Variants in FBXL13 observed in about 807,000 individuals in gnomAD.
The protein encoded by FBXL13 is F-box and leucine-rich repeat protein 13.
In FBXL13, 67 loss-of-function variants were observed where a neutral mutation model predicts 83.6. The observed-to-expected ratio is 0.80, with a 90% CI of 0.66 to 0.98. The LOEUF is 0.98. FBXL13 is among the 50% of genes least tolerant of loss of function. The pLI is 0.00. For synonymous variants in FBXL13, 272 were observed against 299.5 expected (o/e 0.91, Z 0.95); for missense variants, 822 against 866.5 (o/e 0.95, Z 0.64).
intron 14 of FBXL13, among the ~76,000 whole-genome samples, chr7:102,879,710 T>A (rs1809763155): frequency 6.6e-6 from 1 of 152,062 alleles, no homozygotes; most frequent in Non-Finnish European, 1.5e-5. Flanking sequence ...TTTGTATGTT[T>A]GTTTGTTTGT....
intron 7 of FBXL13, among the ~76,000 whole-genome samples, chr7:102,967,673 A>T (rs1434460676): frequency 6.6e-6 from 1 of 152,230 alleles, no homozygotes; most frequent in Non-Finnish European, 1.5e-5. Flanking sequence ...ATGGTCATGG[A>T]CTTAACATAT....
At chr7:102,951,101 G>C (rs762557700) in intron 8 of FBXL13, among the ~76,000 whole-genome samples, 3 of 152,054 alleles carry the variant, frequency 2.0e-5, no homozygotes, top group Non-Finnish European at 4.4e-5. Flanking sequence ...ATGTATGTGT[G>C]GGGGAAGGAG....
intron 8 of FBXL13, among the ~76,000 whole-genome samples, chr7:102,962,474 C>T (rs1269026764): frequency 1.3e-5 from 2 of 152,118 alleles, no homozygotes; most frequent in African/African-American, 2.4e-5. Context: ...CCAGCCATCC[C>T]ATTACTGAGT....
Position 102,887,975 on chromosome 7 carries a change from G to C in FBXL13, c.1009-3663C>G, listed in dbSNP as rs138461557. Among the ~76,000 whole-genome samples, 579 of 152,326 alleles carry C rather than the reference G, an allele frequency of 3.8e-3. 5 individuals are homozygous for C. The highest frequency in any genetic ancestry group is 0.014 in the African/African-American group (572 of 41,572). Reference sequence around the variant, plus strand: ...CAGAAAAAGGCATCTTTGGGGAAAAGATAGCGTAAGGAAGCCCTTGGACAG... The same window carrying C: ...CAGAAAAAGGCATCTTTGGGGAAAACATAGCGTAAGGAAGCCCTTGGACAG... On this transcript the variant is annotated intron_variant, in intron 11 of 19. Transcript: ENST00000313221.
intron 16 of FBXL13, among the ~76,000 whole-genome samples, 199 bp downstream of exon 17, chr7:102,877,268 A>AT (rs1354281017): frequency 5.9e-5 from 9 of 152,134 alleles, no homozygotes; most frequent in Admixed American, 5.2e-4. Context: ...GTATTTTGCT[A>AT]TTTTTTAAAC....
chr7:103,071,464 G>A (rs1037216534), intron 1 of FBXL13, among the ~76,000 whole-genome samples: 5 of 151,784 alleles, frequency 3.3e-5, no homozygotes, highest in African/African-American at 1.2e-4. Context: ...GTTCACTGCA[G>A]CCTCAAATTC....
chr7:103,070,462 C>G (rs1798840132), intron 1 of FBXL13, among the ~76,000 whole-genome samples: 1 of 152,124 alleles, frequency 6.6e-6, no homozygotes, highest in Non-Finnish European at 1.5e-5. Context: ...GTGATCCACC[C>G]ACCTCGGCCT....
intron 17 of FBXL13, among the ~76,000 whole-genome samples, chr7:102,841,973 C>T (rs536750718): frequency 6.6e-6 from 1 of 152,318 alleles, no homozygotes; most frequent in Admixed American, 6.5e-5. Context: ...CAGAGGAATT[C>T]CTTAGTTTCC....
chr7:103,055,245 A>G, intron 2 of FBXL13, 67 bp from the exon 3 acceptor site: 3 of 868,992 alleles, frequency 3.5e-6, no homozygotes, highest in Non-Finnish European at 4.8e-6. Flanking sequence ...TAATTAAATC[A>G]GTGATTCTTG....
At chr7:103,012,847 A>G (rs1202222383) in intron 6 of FBXL13, among the ~76,000 whole-genome samples, 2 of 152,242 alleles carry the variant, frequency 1.3e-5, no homozygotes, top group South Asian at 2.1e-4. Context: ...CCCCATTTAA[A>G]AGGCACAGAG....
chr7:102,999,106 T>A (rs1790123158), intron 6 of FBXL13, among the ~76,000 whole-genome samples: 1 of 151,838 alleles, frequency 6.6e-6, no homozygotes. Context: ...ATACCCAAAT[T>A]GTTGAGGGTT....
chr7:102,931,313 T>A (rs1819131143), intron 9 of FBXL13, among the ~76,000 whole-genome samples: 1 of 152,174 alleles, frequency 6.6e-6, no homozygotes. Context: ...CAGAGGGTCT[T>A]CAAGGTAGAG....
chr7:102,994,063 G>T (rs1188092581), intron 6 of FBXL13, among the ~76,000 whole-genome samples: 1 of 152,056 alleles, frequency 6.6e-6, no homozygotes, highest in African/African-American at 2.4e-5. Context: ...CATTTAAAAA[G>T]TATGATTTAA....
chr7:102,814,156 A>C (rs1797677779), intron 19 of FBXL13, among the ~76,000 whole-genome samples: 1 of 152,220 alleles, frequency 6.6e-6, no homozygotes. Flanking sequence ...GTCTAACTTG[A>C]AAACAAAGCC....
At chr7:102,876,398 C>T (rs1471513335) in intron 16 of FBXL13, among the ~76,000 whole-genome samples, 1 of 152,150 alleles carries the variant, frequency 6.6e-6, no homozygotes, top group East Asian at 1.9e-4. Flanking sequence ...GCTTCCTACC[C>T]ACAATCTCAC....
chr7:102,887,000 A>C (rs1327629924), intron 11 of FBXL13, among the ~76,000 whole-genome samples: 1 of 152,150 alleles, frequency 6.6e-6, no homozygotes, highest in African/African-American at 2.4e-5. Flanking sequence ...TACTTGGATA[A>C]TTTTTCTAAA....
At chr7:102,998,595 G>A (rs772159411) in intron 6 of FBXL13, among the ~76,000 whole-genome samples, 19 of 151,988 alleles carry the variant, frequency 1.3e-4, no homozygotes, top group Admixed American at 3.9e-4. Flanking sequence ...TTAATATGCC[G>A]ATTTTTTTAT....
chr7:102,943,107 T>C (rs1016142501), intron 8 of FBXL13, among the ~76,000 whole-genome samples: 1 of 152,176 alleles, frequency 6.6e-6, no homozygotes, highest in African/African-American at 2.4e-5. Context: ...TACAACCAGA[T>C]GTTTTCAAAA....
chr7:103,054,182 C>T lies in FBXL13; in HGVS notation c.-1+1462G>A, dbSNP rs369344010. ...GGTGGATTGCCTGAGGTCAGGAGTT[C>T]GAGACCAGCCTGGCCAACATGGTGA... On this transcript the variant is annotated intron_variant, in intron 2 of 19. Transcript: ENST00000313221. Among the ~76,000 whole-genome samples the T allele has an allele frequency of 3.8e-3, 301 of 79,516 alleles. 2 individuals are homozygous for T. Among genetic ancestry groups the T allele is most frequent in the Non-Finnish European group, 5.9e-3 (168 of 28,256 alleles). 52.2% of individuals were successfully genotyped at this position (79,516 alleles called of 152,430 possible). A position where few individuals can be genotyped will look rare whatever the true frequency, so the allele number is the denominator to read the frequency against.
Sources: gnomAD v4.1 joint callset for allele counts (sites outside exome capture counted in the v4.1 genomes callset) on GRCh38, gnomAD v4.1.1 for gene constraint, MANE v1.5 for transcripts, NCBI Gene and HGNC (gene_info 2026-07-23, HGNC 2026-07-21) for gene names.